GALNT13: variants seen among roughly 807,000 people sequenced by gnomAD.
The protein encoded by GALNT13 is UDP-GalNAc:polypeptide N-acetylgalactosaminyltransferase 13.
GALNT13 carries 28 observed loss-of-function variants against 64.2 expected under a neutral mutation model. The observed-to-expected ratio is 0.44, with a 90% confidence interval of 0.32 to 0.60. GALNT13 has a LOEUF of 0.60. GALNT13 is among the 20% of genes least tolerant of loss of function. The pLI, the probability that GALNT13 is intolerant of heterozygous loss-of-function variation, is 0.05. For missense variants in GALNT13, 577 were observed against 669.8 expected (o/e 0.86, Z 1.53); for synonymous variants, 214 against 224.6 (o/e 0.95, Z 0.42).
intron 11 of GALNT13, chr2:154,436,933 C>T (rs964339209): frequency 4.6e-5 from 7 of 152,084 alleles, no homozygotes; most frequent in African/African-American, 1.7e-4. Flanking sequence ...GAGACTGGGT[C>T]TTGCTCTGTC....
At chr2:153,637,672 C>T in the GALNT13 span, among the ~76,000 whole-genome samples, 8 of 152,058 alleles carry the variant, frequency 5.3e-5, no homozygotes, top group Admixed American at 5.2e-4. Flanking sequence ...GAACACCTGT[C>T]AGAAATTGTG....
intron 9 of GALNT13, among the ~76,000 whole-genome samples, chr2:154,306,619 G>GGGT (rs1693748322): frequency 1.2e-3 from 1 of 820 alleles, no homozygotes; most frequent in Non-Finnish European, 0.011. Context: ...ATAATTTGGT[G>GGGT]GGGGGGGGGT....
chr2:154,332,721 T>A (rs1053339580), intron 9 of GALNT13, among the ~76,000 whole-genome samples: 1 of 152,096 alleles, frequency 6.6e-6, no homozygotes, highest in Non-Finnish European at 1.5e-5. Flanking sequence ...TGCCTCCTCT[T>A]TCCCAGAGAA....
intron 1 of GALNT13, among the ~76,000 whole-genome samples, chr2:153,875,222 C>A (rs896215298): frequency 6.6e-6 from 1 of 152,018 alleles, no homozygotes; most frequent in African/African-American, 2.4e-5. Context: ...AATCCATGGG[C>A]AGCAATACTA....
chr2:154,192,013 T>C (rs1388264761), intron 4 of GALNT13, among the ~76,000 whole-genome samples: 2 of 152,086 alleles, frequency 1.3e-5, no homozygotes, highest in East Asian at 3.9e-4. Context: ...TGGAGGTAGC[T>C]CTCAGCAGAT....
chr2:153,152,628 A>AGCTC, the GALNT13 span, among the ~76,000 whole-genome samples: 2 of 152,040 alleles, frequency 1.3e-5, no homozygotes, highest in Non-Finnish European at 2.9e-5. Context: ...CTCATCATTT[A>AGCTC]GCTCTCCCTG....
the GALNT13 span, among the ~76,000 whole-genome samples, chr2:153,152,488 T>C: frequency 6.6e-6 from 1 of 151,772 alleles, no homozygotes; most frequent in Admixed American, 6.6e-5. Context: ...GTATCATGGG[T>C]GTTTGTTGTA....
the GALNT13 span, among the ~76,000 whole-genome samples, chr2:153,564,686 G>A: frequency 6.6e-6 from 1 of 152,060 alleles, no homozygotes; most frequent in East Asian, 1.9e-4. Context: ...CATTAGTGTG[G>A]TAAATTTAAA....
intron 9 of GALNT13, among the ~76,000 whole-genome samples, chr2:154,393,505 C>A (rs1168974703): frequency 2.0e-5 from 3 of 152,134 alleles, no homozygotes; most frequent in Non-Finnish European, 4.4e-5. Flanking sequence ...CTTAATATGT[C>A]TCACTTCTAA....
the GALNT13 span, among the ~76,000 whole-genome samples, chr2:153,678,536 G>C: frequency 1.0e-3 from 154 of 152,132 alleles, no homozygotes; most frequent in Non-Finnish European, 1.6e-3. Context: ...TGAAGGTGGG[G>C]CATGGAAGGA....
intron 2 of GALNT13, among the ~76,000 whole-genome samples, chr2:153,941,772 G>A (rs1022639179): frequency 6.6e-6 from 1 of 152,114 alleles, no homozygotes; most frequent in South Asian, 2.1e-4. Context: ...TTTTCAAGGT[G>A]TAGGTGTTTT....
chr2:154,282,376 A>T (rs1333269659), intron 8 of GALNT13, among the ~76,000 whole-genome samples: 1 of 152,194 alleles, frequency 6.6e-6, no homozygotes, highest in African/African-American at 2.4e-5. Flanking sequence ...CTTTTAATAC[A>T]ACTAAAGTAA....
At chr2:153,777,970 T>C in the GALNT13 span, among the ~76,000 whole-genome samples, 1 of 152,158 alleles carries the variant, frequency 6.6e-6, no homozygotes, top group Non-Finnish European at 1.5e-5. Context: ...AAGGTTTTAT[T>C]GAGTGGAAGT....
At chr2:154,119,795 C>A (rs1438917471) in intron 3 of GALNT13, among the ~76,000 whole-genome samples, 1 of 152,040 alleles carries the variant, frequency 6.6e-6, no homozygotes, top group South Asian at 2.1e-4. Flanking sequence ...GATTCTATTT[C>A]TTTGTCAAAC....
chr2:153,648,545 A>G, the GALNT13 span, among the ~76,000 whole-genome samples: 5 of 151,980 alleles, frequency 3.3e-5, 1 homozygote, highest in East Asian at 1.9e-4. Context: ...TCTTGTGCCC[A>G]TTTTCAAAGG....
chr2:153,531,986 G>C, the GALNT13 span, among the ~76,000 whole-genome samples: 1 of 152,144 alleles, frequency 6.6e-6, no homozygotes, highest in Non-Finnish European at 1.5e-5. Context: ...AGTGCCTTCA[G>C]CTTTCCCAGG....
the GALNT13 span, among the ~76,000 whole-genome samples, chr2:153,571,916 G>T: frequency 6.0e-5 from 9 of 150,420 alleles, no homozygotes; most frequent in African/African-American, 9.8e-5. Context: ...CTTTTTTTTT[G>T]ATGTGTGTTT....
chr2:153,167,928 C>G, the GALNT13 span, among the ~76,000 whole-genome samples: 1 of 152,168 alleles, frequency 6.6e-6, no homozygotes, highest in Non-Finnish European at 1.5e-5. Flanking sequence ...AGTGGTACAG[C>G]TAAGTTCTCA....
At chr2:154,396,978 T>C (rs1699084082) in intron 10 of GALNT13, among the ~76,000 whole-genome samples, 1 of 150,282 alleles carries the variant, frequency 6.7e-6, no homozygotes, top group Non-Finnish European at 1.5e-5. Flanking sequence ...ATTCATCTCA[T>C]AGATTGATGA....
Sources: gnomAD v4.1 joint callset for allele counts (sites outside exome capture counted in the v4.1 genomes callset) on GRCh38, gnomAD v4.1.1 for gene constraint, MANE v1.5 for transcripts, NCBI Gene and HGNC (gene_info 2026-07-23, HGNC 2026-07-21) for gene names.